UBL7: variants seen among roughly 807,000 people sequenced by gnomAD.
The protein encoded by UBL7 is ubiquitin like 7.
In UBL7, 21 loss-of-function variants were observed where a neutral mutation model predicts 41.7. That is an observed-to-expected ratio of 0.50 (90% CI 0.36 to 0.73). The LOEUF is 0.73. Among genes scored for constraint, UBL7 ranks in the 30% least tolerant of loss-of-function variants. The pLI is 0.00. For missense variants in UBL7, 403 were observed against 478.4 expected, an observed-to-expected ratio of 0.84 and a Z score of 1.47; for synonymous variants, 157 against 186.9, an observed-to-expected ratio of 0.84 and a Z score of 1.31.
Position 74,448,469 on chromosome 15 carries a change from A to G in UBL7, c.1005+9T>C, listed in dbSNP as rs201120506. ...GCCACATGGAAACCAAGACGTGGGGAAGACTGACCTGAAGGCTGGGCTGCC... is the reference window on the plus strand; with the variant it reads ...GCCACATGGAAACCAAGACGTGGGGGAGACTGACCTGAAGGCTGGGCTGCC... On this transcript the variant is annotated intron_variant, in intron 10 of 10. Coordinates refer to ENST00000395081, the MANE Select transcript of UBL7 (RefSeq NM_032907.5). 1 of 1,613,490 alleles carries G rather than the reference A, an allele frequency of 6.2e-7. No homozygotes were observed. The highest frequency in any genetic ancestry group is 2.2e-5 in the East Asian group (1 of 44,836).
rs764320982 is a variant in UBL7 at position 74,458,733 on chromosome 15, C to G, written c.135G>C (p.Gln45His). Residue 45 changes from glutamine to histidine, a missense_variant, in exon 2 of 11, where the codon CAG becomes CAC. Coordinates refer to ENST00000395081, the MANE Select transcript of UBL7 (RefSeq NM_032907.5). ...ACTCCTGGAGTTTGCCAGCAATAAGCTGCTTCAGAAATGAAATACTATAGC... is the reference window on the plus strand; with the variant it reads ...ACTCCTGGAGTTTGCCAGCAATAAGGTGCTTCAGAAATGAAATACTATAGC... ...LGGYSISFLK[Q>H]LIAGKLQESV... 1.2e-6 allele frequency: 2 copies of G among 1,614,104 alleles called. No homozygotes were observed. The highest frequency in any genetic ancestry group is 3.3e-5 in the Admixed American group (2 of 60,030).
At chr15:74,460,499 C>T (rs1427319001) in intron 1 of UBL7, among the ~76,000 whole-genome samples, 1 of 152,018 alleles carries the variant, frequency 6.6e-6, no homozygotes, top group African/African-American at 2.4e-5. Context: ...AAACTCCTAC[C>T]GAAACCAACA....
intron 8 of UBL7, 47 bp downstream of exon 8, chr15:74,449,579 A>C (rs1326448399): frequency 6.2e-7 from 1 of 1,613,732 alleles, no homozygotes; most frequent in Admixed American, 1.7e-5. Flanking sequence ...TCCCAGCACC[A>C]TCTCCCCCAC....
At position 74,446,085 on chromosome 15, in the gene UBL7, G is replaced by A; in HGVS notation, c.*5C>T. On this transcript the variant is annotated 3_prime_UTR_variant, in exon 11 of 11. Coordinates refer to ENST00000395081, the MANE Select transcript of UBL7 (RefSeq NM_032907.5). The surrounding 1 kb of genome is among the most constrained non-coding windows in gnomAD (Gnocchi z 4.1). ...CTTGCTGGGGGTTCAGGGGAAGCAG[G>A]GAGTTCATGGGGCTCCTCCAGCAAA... is the stretch of plus-strand genomic sequence containing the variant. The A allele has an allele frequency of 6.2e-7, 1 of 1,613,550 alleles. No homozygotes were observed. The highest frequency in any genetic ancestry group is 8.5e-7 in the Non-Finnish European group (1 of 1,179,738).
intron 4 of UBL7, 31 bp from the exon 5 acceptor site, chr15:74,451,551 C>G: frequency 6.3e-7 from 1 of 1,580,810 alleles, no homozygotes. Context: ...GCTGAGCACT[C>G]CAACCAGCTC....
At chr15:74,459,025 G>A (rs1011920064) in intron 1 of UBL7, 129 bp from the exon 2 acceptor site, 1 of 840,336 alleles carries the variant, frequency 1.2e-6, no homozygotes, top group Non-Finnish European at 1.8e-6. Context: ...GTACCATCAG[G>A]AGGCCAGAAC....
Position 74,456,670 on chromosome 15 carries a change from A to T in UBL7, c.186T>A (p.Asp62Glu). ...QESVPDPELI[D>E]LIYCGRKLKD... ...TTAGCTTCCGACCACAGTAGATCAG[A>T]TCTAAAAAAAGAACTGTCCACTTAT... The change falls in exon 3 of 11, where the codon GAT becomes GAA. Residue 62 changes from aspartate (D) to glutamate (E), a missense_variant and splice_region_variant. By Grantham distance (45) the Asp-to-Glu change is conservative. Transcript: ENST00000395081. 1 of 1,611,942 alleles carries T rather than the reference A, an allele frequency of 6.2e-7. No homozygotes were observed. Among genetic ancestry groups the T allele is most frequent in the Non-Finnish European group, 8.5e-7 (1 of 1,178,648 alleles).
intron 2 of UBL7, 118 bp from the exon 3 acceptor site, chr15:74,456,789 T>C: frequency 8.3e-7 from 1 of 1,204,086 alleles, no homozygotes; most frequent in Non-Finnish European, 1.2e-6. Flanking sequence ...TAAAAGATAC[T>C]CTTATTCAAT....
At chr15:74,447,534 C>T (rs968179754) in intron 10 of UBL7, among the ~76,000 whole-genome samples, 1 of 152,116 alleles carries the variant, frequency 6.6e-6, no homozygotes, top group South Asian at 2.1e-4. Flanking sequence ...GAGACCCCCC[C>T]ATCTCTACAA....
chr15:74,456,124 C>T (rs2061291443), intron 3 of UBL7, among the ~76,000 whole-genome samples: 1 of 127,670 alleles, frequency 7.8e-6, no homozygotes, highest in Non-Finnish European at 1.6e-5. Flanking sequence ...GAGACTCCGT[C>T]TCAGAAAAAA....
chr15:74,451,231 C>T (rs984914454), intron 5 of UBL7, among the ~76,000 whole-genome samples: 11 of 152,118 alleles, frequency 7.2e-5, no homozygotes, highest in Admixed American at 2.6e-4. Flanking sequence ...CCCTTATTTA[C>T]GATGTTAGTT....
Position 74,449,246 on chromosome 15 carries a change from G to A in UBL7, c.822C>T (p.Thr274=), listed in dbSNP as rs148874296. ...PRPITQSELA[T]ALALASTPES... ...CCGGAGTGCTGGCCAGGGCCAAGGC[G>A]GTGGCCAGCTCACTCTGGGTGATGG... Residue 274 remains threonine (T), a synonymous_variant, in exon 9 of 11, where the codon ACC becomes ACT. Transcript: ENST00000395081. 26 of 1,609,720 alleles carry A rather than the reference G, an allele frequency of 1.6e-5. No homozygotes were observed. In the East Asian group the frequency reaches 2.0e-4, roughly 12 times the overall value.
At chr15:74,454,702 A>G (rs1478267160) in intron 3 of UBL7, among the ~76,000 whole-genome samples, 1 of 152,200 alleles carries the variant, frequency 6.6e-6, no homozygotes, top group Non-Finnish European at 1.5e-5. Flanking sequence ...CCGGCCAGAA[A>G]GGACTTCTTA....
At chr15:74,450,741 A>G in intron 6 of UBL7, 61 bp downstream of exon 6, 1 of 1,580,202 alleles carries the variant, frequency 6.3e-7, no homozygotes, top group Non-Finnish European at 8.7e-7. Context: ...GGTGACAATT[A>G]GGCTTCTGGC....
rs1259193771 is a variant in UBL7, at chr15:74,455,608, T to C, written c.304+944A>G. Among the ~76,000 whole-genome samples, 3 of 152,278 alleles carry C rather than the reference T, an allele frequency of 2.0e-5. No individual in the cohort carries two copies. The East Asian group carries it at 5.8e-4, about 29-fold the overall frequency. On this transcript the variant is annotated intron_variant, in intron 3 of 10. Coordinates refer to ENST00000395081, the MANE Select transcript of UBL7 (RefSeq NM_032907.5). ...ACGATAATAACAAAAGGATACAAAG[T>C]TTACTTTGTATCACTAAAAAATAAA...
chr15:74,445,985 A>G lies in UBL7; in HGVS notation c.*105T>C. ...AGAACTGGACAAAGCAGGAGAGTTG[A>G]CCATCAGGTATATTGGGGAAGGGAG... On this transcript the variant is annotated 3_prime_UTR_variant, in exon 11 of 11. Transcript: ENST00000395081. 3.4e-6 allele frequency: 5 copies of G among 1,459,286 alleles called. No homozygotes were observed. In the South Asian group the frequency reaches 6.6e-5, roughly 19 times the overall value. The allele number at this position is 1,459,286 out of a possible 1,614,324, so 90.4% of individuals were successfully genotyped here. A position where few individuals can be genotyped will look rare whatever the true frequency, so the allele number is the denominator to read the frequency against.
At chr15:74,461,013 A>G (rs1337849204) in intron 1 of UBL7, 24 bp downstream of exon 1, 2 of 1,088,562 alleles carry the variant, frequency 1.8e-6, no homozygotes, top group African/African-American at 1.7e-5. Flanking sequence ...ATGGGGCAGG[A>G]ACACTATCCG....
chr15:74,456,873 C>T (rs531415051), intron 2 of UBL7, among the ~76,000 whole-genome samples: 1 of 152,074 alleles, frequency 6.6e-6, no homozygotes, highest in African/African-American at 2.4e-5. Context: ...GCAATGGCAC[C>T]ATCACGGTTC....
chr15:74,450,931 C>G, intron 5 of UBL7, 72 bp from the exon 6 acceptor site: 1 of 1,527,452 alleles, frequency 6.5e-7, no homozygotes, highest in Non-Finnish European at 9.0e-7. Context: ...GGCTTTGCGT[C>G]TCAGAGCAAC....
Sources: allele counts gnomAD v4.1 joint callset (sites outside exome capture counted in the v4.1 genomes callset), GRCh38; gene constraint gnomAD v4.1.1; non-coding constraint Gnocchi (gnomAD v3.1); transcripts MANE v1.5; gene names NCBI Gene and HGNC (gene_info 2026-07-23, HGNC 2026-07-21).